The following RTCB variants were observed in gnomAD, a reference collection of about 807,000 sequenced individuals.
RTCB encodes RNA-splicing ligase RTCB.
A neutral mutation model predicts 58.2 loss-of-function variants in RTCB; 32 were observed. The ratio of observed to expected loss-of-function variants is 0.55; its 90% confidence interval spans 0.41 to 0.74. The LOEUF (loss-of-function observed/expected upper bound fraction) is 0.74, where lower values mean the gene tolerates loss of function less well. Ranked by LOEUF, RTCB falls within the 30% of genes least tolerant of loss-of-function variation. RTCB has a pLI of 0.00. For synonymous variants in RTCB, 247 were observed against 218.6 expected (o/e 1.13, Z -1.15); for missense variants, 523 against 639.0 (o/e 0.82, Z 1.96).
intron 11 of RTCB, among the ~76,000 whole-genome samples, chr22:32,390,338 C>T (rs905797824): frequency 6.6e-6 from 1 of 152,084 alleles, no homozygotes; most frequent in Non-Finnish European, 1.5e-5. Context: ...TCACGTGTTG[C>T]AGGTGAAAAA....
chr22:32,408,302 A>G (rs1016771075), intron 2 of RTCB, 60 bp from the exon 3 acceptor site: 5 of 1,394,906 alleles, frequency 3.6e-6, no homozygotes, highest in Non-Finnish European at 5.1e-6. Context: ...CATGAATTAT[A>G]TTCATGTTTT....
intron 1 of RTCB, 69 bp from the exon 2 acceptor site, chr22:32,408,902 G>A (rs1933473992): frequency 9.7e-7 from 1 of 1,029,012 alleles, no homozygotes; most frequent in Middle Eastern, 2.0e-4. Context: ...TGGACAGAAT[G>A]CACTGTATGC....
chr22:32,407,207 A>G (rs1029405353), intron 3 of RTCB: 1 of 159,252 alleles, frequency 6.3e-6, no homozygotes, highest in Non-Finnish European at 1.4e-5. Flanking sequence ...GACTTCCTAC[A>G]TGTGGAGCCT....
At chr22:32,400,697 A>AT (rs35065769) in intron 5 of RTCB, among the ~76,000 whole-genome samples, 10 of 152,148 alleles carry the variant, frequency 6.6e-5, no homozygotes, top group East Asian at 1.9e-4. Flanking sequence ...TTACTTAGGT[A>AT]TTTTTTTTGG....
chr22:32,391,426 T>TA (rs939998424), intron 11 of RTCB, among the ~76,000 whole-genome samples: 4 of 151,438 alleles, frequency 2.6e-5, no homozygotes, highest in African/African-American at 9.7e-5. Flanking sequence ...GACGGAGTCT[T>TA]ACTTTGTCAT....
At chr22:32,392,434 A>G (rs1217326352) in intron 10 of RTCB, 75 bp from the exon 11 acceptor site, 11 of 1,584,092 alleles carry the variant, frequency 6.9e-6, no homozygotes, top group Non-Finnish European at 9.5e-6. Flanking sequence ...CTCTCACACT[A>G]AAAAGGAGCT....
chr22:32,408,818 A>T lies in RTCB; in HGVS notation c.109T>A (p.Tyr37Asn). Reference protein sequence around the residue: ...VPNMQVEGVFYVNDALEKLMF... With the variant: ...VPNMQVEGVFNVNDALEKLMF... Reference sequence around the variant, plus strand: ...AATTTCTCCAGAGCATCATTCACATAGAAAACACCTTCAACCTAGTACCAA... The same window carrying T: ...AATTTCTCCAGAGCATCATTCACATTGAAAACACCTTCAACCTAGTACCAA... Residue 37 changes from tyrosine (Y) to asparagine (N), a missense_variant, in exon 2 of 12, where the codon TAT becomes AAT. Coordinates refer to ENST00000216038, the MANE Select transcript of RTCB (RefSeq NM_014306.5). 6.2e-7 allele frequency: 1 copy of T among 1,613,684 alleles called. No individual in the cohort carries two copies. Among genetic ancestry groups the T allele is most frequent in the Non-Finnish European group, 8.5e-7 (1 of 1,179,550 alleles).
chr22:32,404,254 T>G (rs1025804982), intron 4 of RTCB, among the ~76,000 whole-genome samples: 1 of 152,226 alleles, frequency 6.6e-6, no homozygotes, highest in African/African-American at 2.4e-5. Context: ...CCATAATGGC[T>G]GTGCCAATTT....
Position 32,398,012 on chromosome 22 carries a change from A to G in RTCB, c.743T>C (p.Ile248Thr). The G allele has an allele frequency of 6.2e-7, 1 of 1,614,148 alleles. No homozygotes were observed. ...CACACACACCTGTCCCTTATGGTCG[A>G]TGCCCATTTTTTTAGCAGCATACTC... is the stretch of plus-strand genomic sequence containing the variant. ...FNEYAAKKMG[I>T]DHKGQVCVMI... Residue 248 changes from isoleucine (I) to threonine (T), a missense_variant, in exon 7 of 12, where the codon ATC becomes ACC. This residue lies in a region of RTCB where 141 missense variants were observed against 216.7 expected (regional missense o/e 0.65). Transcript: ENST00000216038.
intron 5 of RTCB, 92 bp downstream of exon 5, chr22:32,401,655 T>A (rs982385895): frequency 7.3e-7 from 1 of 1,362,078 alleles, no homozygotes. Context: ...TGAACAATCC[T>A]CATCTCTCAA....
intron 11 of RTCB, 48 bp downstream of exon 11, chr22:32,392,192 C>T: frequency 2.5e-6 from 4 of 1,571,588 alleles, no homozygotes; most frequent in Non-Finnish European, 2.6e-6. Flanking sequence ...GAACAAATTA[C>T]AAATGGGGAA....
chr22:32,395,873 G>A (rs767402268), intron 8 of RTCB, among the ~76,000 whole-genome samples: 1 of 152,196 alleles, frequency 6.6e-6, no homozygotes, highest in East Asian at 1.9e-4. Flanking sequence ...CTAATTTTTT[G>A]TATTTTTAGT....
Position 32,388,073 on chromosome 22 carries a change from T to C in RTCB, c.1437A>G (p.Thr479=). ...CATCATGGCAGGTATTTACCACATCTGTCACATTCTTATAGGACTCAGGAG... is the reference window on the plus strand; with the variant it reads ...CATCATGGCAGGTATTTACCACATCCGTCACATTCTTATAGGACTCAGGAG... The part of the protein sequence containing the change: ...EEAPESYKNV[T]DVVNTCHDAG... Residue 479 remains threonine, a synonymous_variant, in exon 12 of 12, where the codon ACA becomes ACG. Transcript: ENST00000216038. 6.2e-7 allele frequency: 1 copy of C among 1,613,606 alleles called. No individual in the cohort carries two copies. The highest frequency in any genetic ancestry group is 8.5e-7 in the Non-Finnish European group (1 of 1,179,500).
chr22:32,397,557 G>A (rs1334587016), intron 7 of RTCB, among the ~76,000 whole-genome samples: 1 of 152,166 alleles, frequency 6.6e-6, no homozygotes, highest in Admixed American at 6.5e-5. Flanking sequence ...CTGTTGCAGA[G>A]CAGGTATATG....
chr22:32,394,825 C>CTA (rs1423635811), intron 9 of RTCB, among the ~76,000 whole-genome samples: 2 of 150,930 alleles, frequency 1.3e-5, no homozygotes, highest in Non-Finnish European at 2.9e-5. Context: ...GCAGCACTTG[C>CTA]TATAGCACAC....
intron 4 of RTCB, among the ~76,000 whole-genome samples, chr22:32,403,774 T>C (rs1237561177): frequency 6.6e-6 from 1 of 152,212 alleles, no homozygotes; most frequent in Admixed American, 6.5e-5. Flanking sequence ...CAATACATTA[T>C]TATTAACTAC....
rs1278634560 is a variant in RTCB, at chr22:32,397,928, G to A, written c.814+13C>T. 1 of 1,604,388 alleles carries A rather than the reference G, an allele frequency of 6.2e-7. No individual in the cohort carries two copies. The highest frequency in any genetic ancestry group is 2.2e-5 in the East Asian group (1 of 44,792). ...CATAAAATGTACATTTTAGCACAAA[G>A]TCTAGAATATACCTGTGGCTACTTG... On this transcript the variant is annotated intron_variant, in intron 7 of 11. Coordinates refer to ENST00000216038, the MANE Select transcript of RTCB (RefSeq NM_014306.5).
chr22:32,388,041 A>G lies in RTCB; in HGVS notation c.1469T>C (p.Ile490Thr). Residue 490 changes from isoleucine (I) to threonine (T), a missense_variant, in exon 12 of 12, where the codon ATC becomes ACC. Ile to Thr is a moderately conservative substitution (Grantham distance 89). Coordinates refer to ENST00000216038, the MANE Select transcript of RTCB (RefSeq NM_014306.5). ...TCTCAGTTTAATGGCTTTCTTGCTG[A>G]TTCCAGCATCATGGCAGGTATTTAC... ...DVVNTCHDAGISKKAIKLRPI... is the reference protein window; with the variant it reads ...DVVNTCHDAGTSKKAIKLRPI... The G allele has an allele frequency of 6.2e-7, 1 of 1,614,126 alleles. No homozygotes were observed. The highest frequency in any genetic ancestry group is 8.5e-7 in the Non-Finnish European group (1 of 1,179,962).
At chr22:32,405,850 A>G (rs1267479481) in intron 4 of RTCB, among the ~76,000 whole-genome samples, 1 of 152,218 alleles carries the variant, frequency 6.6e-6, no homozygotes, top group African/African-American at 2.4e-5. Flanking sequence ...CAAAGATATT[A>G]CTTCTGATAT....
Sources: allele counts gnomAD v4.1 joint callset (sites outside exome capture counted in the v4.1 genomes callset), GRCh38; gene constraint gnomAD v4.1.1; regional missense constraint gnomAD v4.1.1; transcripts MANE v1.5; gene names NCBI Gene and HGNC (gene_info 2026-07-23, HGNC 2026-07-21).